Variants in DPYD observed in about 807,000 individuals in gnomAD.
The protein encoded by DPYD is dihydropyrimidine dehydrogenase [NADP(+)].
A neutral mutation model predicts 116.2 loss-of-function variants in DPYD; 109 were observed. That is an observed-to-expected ratio of 0.94 (90% CI 0.80 to 1.10). The LOEUF is 1.10. Ranked by LOEUF, DPYD falls within the 50% of genes least tolerant of loss-of-function variation. DPYD has a pLI of 0.00. For missense variants in DPYD, 1,302 were observed against 1,254.5 expected, an observed-to-expected ratio of 1.04 and a Z score of -0.57; for synonymous variants, 440 against 432.0, an observed-to-expected ratio of 1.02 and a Z score of -0.23.
At chr1:97,117,456 TATC>T (rs1349977247) in intron 20 of DPYD, among the ~76,000 whole-genome samples, 2 of 152,228 alleles carry the variant, frequency 1.3e-5, no homozygotes, top group African/African-American at 2.4e-5. Context: ...CAAGCACTCT[TATC>T]ATGTTTCTTA....
At chr1:97,506,534 C>T (rs1317868532) in intron 13 of DPYD, among the ~76,000 whole-genome samples, 5 of 151,748 alleles carry the variant, frequency 3.3e-5, no homozygotes, top group East Asian at 1.9e-4. Context: ...ACACCACTTG[C>T]TTTTTTTAAA....
At chr1:97,348,691 C>G (rs1426952846) in intron 16 of DPYD, among the ~76,000 whole-genome samples, 3 of 152,056 alleles carry the variant, frequency 2.0e-5, no homozygotes, top group Admixed American at 1.3e-4. Context: ...TATTAATATA[C>G]AAGGTAATGT....
intron 13 of DPYD, among the ~76,000 whole-genome samples, chr1:97,488,624 A>T (rs1002463478): frequency 2.0e-5 from 3 of 152,182 alleles, no homozygotes; most frequent in Non-Finnish European, 4.4e-5. Flanking sequence ...TCAACTCTGG[A>T]GGCAGGGTTC....
At chr1:97,801,234 G>A (rs1667829912) in intron 3 of DPYD, among the ~76,000 whole-genome samples, 1 of 151,864 alleles carries the variant, frequency 6.6e-6, no homozygotes, top group South Asian at 2.1e-4. Context: ...ACAATACTCT[G>A]AAAGTCAGAA....
At chr1:97,713,273 CTG>C (rs1407950491) in intron 5 of DPYD, among the ~76,000 whole-genome samples, 1 of 151,978 alleles carries the variant, frequency 6.6e-6, no homozygotes, top group Non-Finnish European at 1.5e-5. Context: ...TCCTTTAAAA[CTG>C]TAAATTGGCA....
At chr1:97,182,667 C>A (rs1657725387) in intron 20 of DPYD, among the ~76,000 whole-genome samples, 1 of 152,008 alleles carries the variant, frequency 6.6e-6, no homozygotes, top group Non-Finnish European at 1.5e-5. Flanking sequence ...AAGTACAGGG[C>A]CATACAATGA....
chr1:97,854,936 C>A (rs4372296), intron 2 of DPYD: 109,821 of 152,066 alleles, frequency 0.72, 40,286 homozygotes, highest in East Asian at 0.93. Flanking sequence ...CAACAGAGAA[C>A]CCATGAATGC....
chr1:97,208,198 T>G (rs1475923845), intron 19 of DPYD, among the ~76,000 whole-genome samples: 2 of 150,542 alleles, frequency 1.3e-5, no homozygotes, highest in African/African-American at 5.0e-5. Flanking sequence ...CTTTTTTTTC[T>G]TCCTCTTTCT....
intron 3 of DPYD, among the ~76,000 whole-genome samples, chr1:97,782,234 C>T (rs993085704): frequency 6.6e-6 from 1 of 152,192 alleles, no homozygotes; most frequent in Non-Finnish European, 1.5e-5. Context: ...GTCCATACTG[C>T]CTGGTTCACT....
chr1:97,204,308 GT>G (rs202167607), intron 19 of DPYD, among the ~76,000 whole-genome samples: 1 of 151,858 alleles, frequency 6.6e-6, no homozygotes, highest in African/African-American at 2.4e-5. Context: ...TTGTATGCTA[GT>G]TTTTTTTGGC....
At chr1:97,520,860 TTATC>T (rs1648603208) in intron 12 of DPYD, among the ~76,000 whole-genome samples, 1 of 152,220 alleles carries the variant, frequency 6.6e-6, no homozygotes, top group Admixed American at 6.5e-5. Flanking sequence ...CACATTTTCT[TTATC>T]TAGTCTATCT....
intron 8 of DPYD, among the ~76,000 whole-genome samples, chr1:97,667,044 C>T (rs747489188): frequency 6.6e-6 from 1 of 152,240 alleles, no homozygotes; most frequent in East Asian, 1.9e-4. Context: ...TAGCCATATT[C>T]ATTTGTTTAC....
At chr1:97,549,538 G>T in intron 12 of DPYD, 22 bp downstream of exon 12, 1 of 1,613,006 alleles carries the variant, frequency 6.2e-7, no homozygotes, top group African/African-American at 1.3e-5. Context: ...AGAATTAAGT[G>T]GAAATGATGG....
intron 3 of DPYD, among the ~76,000 whole-genome samples, chr1:97,740,731 A>G (rs905361464): frequency 1.3e-5 from 2 of 152,128 alleles, no homozygotes; most frequent in African/African-American, 2.4e-5. Flanking sequence ...TGATTTTAAG[A>G]GAATCATACT....
At chr1:97,901,961 T>G (rs1673389896) in intron 1 of DPYD, among the ~76,000 whole-genome samples, 2 of 151,852 alleles carry the variant, frequency 1.3e-5, no homozygotes, top group African/African-American at 2.4e-5. Context: ...AGTTTACATA[T>G]ATTATTAAAC....
chr1:97,178,468 T>C (rs1055459277), intron 20 of DPYD, among the ~76,000 whole-genome samples: 1 of 151,950 alleles, frequency 6.6e-6, no homozygotes, highest in Non-Finnish European at 1.5e-5. Context: ...AGGCAAGAGA[T>C]GAGTGAAGAG....
chr1:97,692,391 A>G (rs991128882), intron 6 of DPYD, among the ~76,000 whole-genome samples: 16 of 152,148 alleles, frequency 1.1e-4, no homozygotes, highest in African/African-American at 3.9e-4. Flanking sequence ...TTAAAAAACA[A>G]TTCTATTGTA....
At chr1:97,722,799 T>C (rs1662997791) in intron 4 of DPYD, among the ~76,000 whole-genome samples, 1 of 151,566 alleles carries the variant, frequency 6.6e-6, no homozygotes, top group African/African-American at 2.4e-5. Context: ...AAAAGACTTT[T>C]ATTTACTCTT....
chr1:97,311,693 A>T lies in DPYD; in HGVS notation c.2059-5396T>A, dbSNP rs549921577. ...TTGAAATAGCCCCAAAGTGGAAAAA[A>T]TCCAAATTGTCCATCAAGAGTAAAA... On this transcript the variant is annotated intron_variant, in intron 16 of 22. Coordinates refer to ENST00000370192, the MANE Select transcript of DPYD (RefSeq NM_000110.4). Among the ~76,000 whole-genome samples, 9 of 151,954 alleles carry T rather than the reference A, an allele frequency of 5.9e-5. No homozygotes were observed. The East Asian group carries it at 1.4e-3, about 23-fold the overall frequency.
Sources: gnomAD v4.1 joint callset for allele counts (sites outside exome capture counted in the v4.1 genomes callset) on GRCh38, gnomAD v4.1.1 for gene constraint, MANE v1.5 for transcripts, NCBI Gene and HGNC (gene_info 2026-07-23, HGNC 2026-07-21) for gene names.